Variants in CFAP299 observed in about 807,000 individuals in gnomAD.
The protein encoded by CFAP299 is cilia and flagella associated protein 299, also known as cilia- and flagella-associated protein 299.
CFAP299 carries 21 observed loss-of-function variants against 27.0 expected under a neutral mutation model. The ratio of observed to expected loss-of-function variants is 0.78; its 90% CI spans 0.55 to 1.12. The LOEUF (loss-of-function observed/expected upper bound fraction) is 1.12, where lower values mean the gene tolerates loss of function less well. Among genes scored for constraint, CFAP299 ranks in the 50% most tolerant of loss-of-function variants. The probability of loss-of-function intolerance (pLI) is 0.00; values close to 1 mark genes in which losing one functional copy is unlikely to be tolerated. For missense variants in CFAP299, 310 were observed against 276.6 expected, an observed-to-expected ratio of 1.12 and a Z score of -0.86; for synonymous variants, 104 against 98.1, an observed-to-expected ratio of 1.06 and a Z score of -0.36.
chr4:80,657,982 T>A (rs796209508), intron 3 of CFAP299, among the ~76,000 whole-genome samples: 4 of 152,260 alleles, frequency 2.6e-5, no homozygotes, highest in African/African-American at 9.6e-5. Context: ...TATTTTATTC[T>A]CTTTGTAGCA....
intron 3 of CFAP299, among the ~76,000 whole-genome samples, chr4:80,842,596 T>A (rs772315325): frequency 2.6e-5 from 4 of 152,128 alleles, no homozygotes; most frequent in Non-Finnish European, 5.9e-5. Flanking sequence ...GTTTGATCAC[T>A]AGTAAATGTT....
At chr4:80,326,851 AT>A in the CFAP299 span, among the ~76,000 whole-genome samples, 21 of 152,230 alleles carry the variant, frequency 1.4e-4, no homozygotes, top group Non-Finnish European at 2.4e-4. Flanking sequence ...ACAAAATTAT[AT>A]TTTAAACTTT....
At chr4:80,621,588 G>A (rs1054860883) in intron 3 of CFAP299, among the ~76,000 whole-genome samples, 1 of 152,062 alleles carries the variant, frequency 6.6e-6, no homozygotes, top group Non-Finnish European at 1.5e-5. Context: ...CAAATATGGA[G>A]TGAGTATTTC....
At chr4:80,371,855 C>T (rs1724167835) in intron 2 of CFAP299, among the ~76,000 whole-genome samples, 1 of 152,192 alleles carries the variant, frequency 6.6e-6, no homozygotes, top group African/African-American at 2.4e-5. Context: ...TTCCTGTCTT[C>T]ATCTGGGTCT....
At chr4:80,437,600 T>G (rs1728155859) in intron 2 of CFAP299, among the ~76,000 whole-genome samples, 1 of 152,196 alleles carries the variant, frequency 6.6e-6, no homozygotes, top group Non-Finnish European at 1.5e-5. Context: ...AACATGCCTG[T>G]CCTTTGCTCC....
intron 3 of CFAP299, among the ~76,000 whole-genome samples, chr4:80,832,683 G>A (rs1322345377): frequency 1.3e-5 from 2 of 151,868 alleles, no homozygotes; most frequent in Admixed American, 6.6e-5. Context: ...TTTCATTTTC[G>A]GAGGTATAGC....
chr4:80,372,459 T>C (rs1036197701), intron 2 of CFAP299, among the ~76,000 whole-genome samples: 2 of 152,244 alleles, frequency 1.3e-5, no homozygotes, highest in African/African-American at 4.8e-5. Context: ...ATAGCAGTGC[T>C]GGCTAAGGCC....
intron 3 of CFAP299, among the ~76,000 whole-genome samples, chr4:80,588,846 T>G (rs1736579298): frequency 6.6e-6 from 1 of 152,200 alleles, no homozygotes; most frequent in Non-Finnish European, 1.5e-5. Context: ...CCTTGAACTC[T>G]TAATATTTAC....
intron 3 of CFAP299, among the ~76,000 whole-genome samples, chr4:80,653,142 T>G (rs1161510312): frequency 6.6e-6 from 1 of 152,172 alleles, no homozygotes; most frequent in African/African-American, 2.4e-5. Context: ...TATGCACACT[T>G]GTATATCAGA....
intron 4 of CFAP299, among the ~76,000 whole-genome samples, chr4:80,882,712 A>G (rs911259831): frequency 9.2e-5 from 14 of 152,186 alleles, no homozygotes; most frequent in African/African-American, 2.9e-4. Flanking sequence ...CCATAAGACT[A>G]TAAGTATACC....
chr4:80,447,141 T>C (rs1263353411), intron 2 of CFAP299, among the ~76,000 whole-genome samples: 2 of 126,484 alleles, frequency 1.6e-5, no homozygotes, highest in Non-Finnish European at 3.2e-5. Flanking sequence ...TTTTTTTTTT[T>C]TTTTTTTTTT....
intron 2 of CFAP299, among the ~76,000 whole-genome samples, chr4:80,391,693 T>C (rs1725490874): frequency 2.0e-5 from 3 of 152,172 alleles, no homozygotes; most frequent in Admixed American, 2.0e-4. Context: ...AGATTCTGGG[T>C]GTGGTGGCTC....
intron 3 of CFAP299, among the ~76,000 whole-genome samples, chr4:80,674,676 G>A (rs1056028096): frequency 6.6e-6 from 1 of 151,272 alleles, no homozygotes; most frequent in Admixed American, 6.6e-5. Flanking sequence ...ACGAAGATTT[G>A]GTCTTTTCAC....
At chr4:80,870,468 C>T in intron 4 of CFAP299, 7 of 1,004,876 alleles carry the variant, frequency 7.0e-6, no homozygotes, top group Non-Finnish European at 8.3e-6. Flanking sequence ...AAGAACTGCT[C>T]ATCTAACATG....
chr4:80,932,308 C>T (rs1736664135), intron 4 of CFAP299, among the ~76,000 whole-genome samples: 2 of 151,882 alleles, frequency 1.3e-5, no homozygotes, highest in Non-Finnish European at 2.9e-5. Context: ...ATGGCATATC[C>T]ATATATTAAA....
intron 2 of CFAP299, among the ~76,000 whole-genome samples, chr4:80,559,917 T>C (rs1192137183): frequency 6.6e-6 from 1 of 152,146 alleles, no homozygotes; most frequent in African/African-American, 2.4e-5. Context: ...ACTGCAATGC[T>C]TAGGCAAATC....
At chr4:80,944,048 G>C (rs1228281778) in intron 4 of CFAP299, among the ~76,000 whole-genome samples, 7 of 150,722 alleles carry the variant, frequency 4.6e-5, no homozygotes. Flanking sequence ...CCTGGAGACA[G>C]AGCAAGACTC....
intron 2 of CFAP299, chr4:80,387,377 G>C: frequency 1.6e-6 from 2 of 1,247,990 alleles, no homozygotes; most frequent in South Asian, 1.2e-5. Flanking sequence ...GGTCATGTGA[G>C]ACTTGAGCTG....
intron 1 of CFAP299, among the ~76,000 whole-genome samples, chr4:80,343,907 A>C (rs1272831653): frequency 6.6e-6 from 1 of 152,148 alleles, no homozygotes; most frequent in Non-Finnish European, 1.5e-5. Flanking sequence ...CTGGGTGAAT[A>C]ATGAAATTAA....
Sources: gnomAD v4.1 joint callset for allele counts (sites outside exome capture counted in the v4.1 genomes callset) on GRCh38, gnomAD v4.1.1 for gene constraint, MANE v1.5 for transcripts, NCBI Gene and HGNC (gene_info 2026-07-23, HGNC 2026-07-21) for gene names.